The following MIB1 variants were observed in gnomAD, a reference collection of about 807,000 sequenced individuals.
The protein encoded by MIB1 is E3 ubiquitin-protein ligase MIB1.
In MIB1, 278 loss-of-function variants were observed where a neutral mutation model predicts 124.5. The ratio of observed to expected loss-of-function variants is 2.23; its 90% CI spans 2.02 to 2.47. MIB1 has a LOEUF of 2.47. MIB1 is among the 30% of genes most tolerant of loss of function. The pLI, the probability that MIB1 is intolerant of heterozygous loss-of-function variation, is 0.00. For missense variants in MIB1, 957 were observed against 1,254.4 expected, an observed-to-expected ratio of 0.76 and a Z score of 3.58; for synonymous variants, 446 against 429.4, an observed-to-expected ratio of 1.04 and a Z score of -0.48.
At position 21,768,627 on chromosome 18, in the gene MIB1, C is replaced by A; in HGVS notation, c.406C>A (p.Leu136Met). The change falls in exon 3 of 21, where the codon CTG (leucine) becomes ATG (methionine). Residue 136 changes from leucine (L) to methionine (M), a missense_variant. Coordinates refer to ENST00000261537, the MANE Select transcript of MIB1 (RefSeq NM_020774.4). ...AATAAATAATTTTATTTTTAGGGTT[C>A]TGTTAGAGTCTCGTAGGAAATCTAA... ...RITTPGSERV[L>M]LESRRKSKKI... The A allele has an allele frequency of 1.3e-6, 2 of 1,549,164 alleles. No homozygotes were observed. The highest frequency in any genetic ancestry group is 2.4e-5 in the South Asian group (2 of 82,414).
At chr18:21,731,903 A>G (rs557314845) in intron 1 of MIB1, among the ~76,000 whole-genome samples, 2 of 152,268 alleles carry the variant, frequency 1.3e-5, no homozygotes, top group African/African-American at 4.8e-5. Context: ...ACACTTTTGT[A>G]AGCAATGATT....
At position 21,766,342 on chromosome 18, in the gene MIB1, T is replaced by G. The variant is rs571114847; in HGVS notation, c.401+399T>G. ...TTTATTAGGACTATACAACATCTAC[T>G]ATGTTTATGGACACTAGAAGATAAA... On this transcript the variant is annotated intron_variant, in intron 2 of 20. Transcript: ENST00000261537. Among the ~76,000 whole-genome samples the G allele has an allele frequency of 5.3e-5, 8 of 152,282 alleles. No individual in the cohort carries two copies. In the East Asian group the frequency reaches 1.5e-3, roughly 29 times the overall value.
rs537009456 is a variant in MIB1, at chr18:21,847,528, C to T, written c.2393+403C>T. 2.6e-5 allele frequency among the ~76,000 whole-genome samples: 4 copies of T among 152,162 alleles called. No individual in the cohort carries two copies. In the South Asian group the frequency reaches 8.3e-4, roughly 32 times the overall value. ...TATTATTTTTTAAAAATACGTCTTG[C>T]TGTGTTGCCCAGGTTGGGCTTAAAC... On this transcript the variant is annotated intron_variant, in intron 16 of 20. Coordinates refer to ENST00000261537, the MANE Select transcript of MIB1 (RefSeq NM_020774.4).
At chr18:21,712,669 A>C (rs1338073475) in intron 1 of MIB1, among the ~76,000 whole-genome samples, 1 of 152,232 alleles carries the variant, frequency 6.6e-6, no homozygotes, top group Non-Finnish European at 1.5e-5. Context: ...ATTCTTTCCC[A>C]GTCAAATCTC....
chr18:21,729,051 A>G (rs1056174792), intron 1 of MIB1, among the ~76,000 whole-genome samples: 53 of 152,272 alleles, frequency 3.5e-4, no homozygotes, highest in African/African-American at 1.2e-3. Flanking sequence ...GACTCCCCCA[A>G]TCATTTCAAC....
chr18:21,792,619 AAAAT>A (rs1326987528), intron 7 of MIB1, among the ~76,000 whole-genome samples: 2 of 152,252 alleles, frequency 1.3e-5, no homozygotes, highest in African/African-American at 4.8e-5. Flanking sequence ...ACAAAACAAA[AAAAT>A]AAAATCTCTG....
At chr18:21,731,755 AAAAG>A (rs2040771768) in intron 1 of MIB1, among the ~76,000 whole-genome samples, 1 of 151,546 alleles carries the variant, frequency 6.6e-6, no homozygotes, top group African/African-American at 2.4e-5. Context: ...AAAAAAAAAA[AAAAG>A]CTGTTGTGAA....
At position 21,868,537 on chromosome 18, in the gene MIB1, T is replaced by G. The variant is rs2042335967; in HGVS notation, c.*3871T>G. 6.6e-6 allele frequency: 1 copy of G among 152,442 alleles called. No homozygotes were observed. The highest frequency in any genetic ancestry group is 1.5e-5 in the Non-Finnish European group (1 of 67,888). 9.4% of individuals were successfully genotyped at this position (152,442 alleles called of 1,614,324 possible). A position where few individuals can be genotyped will look rare whatever the true frequency, so the allele number is the denominator to read the frequency against. On this transcript the variant is annotated 3_prime_UTR_variant, in exon 21 of 21. Coordinates refer to ENST00000261537, the MANE Select transcript of MIB1 (RefSeq NM_020774.4). The stretch of plus-strand genomic sequence containing the variant: ...CACATTTTAAATATCAGAATTAGAT[T>G]AGCTTTGAGTTTGTACAATTGGGAA...
upstream of MIB1, among the ~76,000 whole-genome samples, chr18:21,739,937 AC>A (rs201379055): frequency 6.2e-4 from 91 of 146,036 alleles, no homozygotes; most frequent in African/African-American, 1.5e-3. Context: ...AAAAAAAACA[AC>A]AACAAAAAAA....
chr18:21,777,493 A>G (rs1397257924), intron 4 of MIB1, among the ~76,000 whole-genome samples: 1 of 152,184 alleles, frequency 6.6e-6, no homozygotes, highest in Admixed American at 6.5e-5. Context: ...TCAAACTATT[A>G]TAATTATTTA....
intron 2 of MIB1, among the ~76,000 whole-genome samples, chr18:21,766,703 C>T (rs1228169638): frequency 6.6e-6 from 1 of 151,958 alleles, no homozygotes; most frequent in Non-Finnish European, 1.5e-5. Flanking sequence ...TTATTTTTGT[C>T]TTTTGTTTGC....
Position 21,741,834 on chromosome 18 carries a change from AG to A in MIB1, c.229+25del. On this transcript the variant is annotated intron_variant, in intron 1 of 20. Coordinates refer to ENST00000261537, the MANE Select transcript of MIB1 (RefSeq NM_020774.4). The surrounding 1 kb of genome is among the most constrained non-coding windows in gnomAD (Gnocchi z 5.4). ...ACCGGTAAGCCGCGGCCACCTGGCC[AG>A]GGCTTGCGCGCGCGGGGGGAAGGGG... 1.9e-6 allele frequency: 3 copies of A among 1,553,658 alleles called. No individual in the cohort carries two copies. Among genetic ancestry groups the A allele is most frequent in the Non-Finnish European group, 2.6e-6 (3 of 1,148,458 alleles).
In MIB1 at chr18:21,866,798, A is replaced by G. The variant is rs1395726647; in HGVS notation, c.*2132A>G. 2 of 152,344 alleles carry G rather than the reference A, an allele frequency of 1.3e-5. No homozygotes were observed. The highest frequency in any genetic ancestry group is 2.4e-5 in the African/African-American group (1 of 41,458). The allele number at this position is 152,344 out of a possible 1,614,324, so 9.4% of individuals were successfully genotyped here. A position where few individuals can be genotyped will look rare whatever the true frequency, so the allele number is the denominator to read the frequency against. On this transcript the variant is annotated 3_prime_UTR_variant, in exon 21 of 21. Coordinates refer to ENST00000261537, the MANE Select transcript of MIB1 (RefSeq NM_020774.4). ...ATAATGTCATTATAATTTTAGTGCTAGTACTTGTGGGTTTTCTGTATTTGT... is the reference window on the plus strand; with the variant it reads ...ATAATGTCATTATAATTTTAGTGCTGGTACTTGTGGGTTTTCTGTATTTGT...
chr18:21,844,389 C>T (rs527346990), intron 15 of MIB1, 136 bp downstream of exon 15: 2 of 901,488 alleles, frequency 2.2e-6, no homozygotes, highest in South Asian at 1.7e-5. Context: ...AGTTTATGAA[C>T]TTAGTACTAG....
At chr18:21,713,445 A>G (rs1351693881) in intron 1 of MIB1, among the ~76,000 whole-genome samples, 2 of 151,816 alleles carry the variant, frequency 1.3e-5, no homozygotes, top group African/African-American at 2.4e-5. Flanking sequence ...CCCCGTCTCT[A>G]CTAAAAATAC....
At chr18:21,792,014 A>G (rs1365830808) in intron 7 of MIB1, among the ~76,000 whole-genome samples, 1 of 151,914 alleles carries the variant, frequency 6.6e-6, no homozygotes, top group Non-Finnish European at 1.5e-5. Context: ...TTATTTAGTC[A>G]TTTTTTCGTC....
chr18:21,802,857 T>C (rs550197649), intron 9 of MIB1, among the ~76,000 whole-genome samples: 4 of 152,302 alleles, frequency 2.6e-5, no homozygotes, highest in African/African-American at 9.6e-5. Flanking sequence ...TACCATCCTA[T>C]AGCAATCTAT....
chr18:21,727,057 CG>C (rs1396095041), intron 1 of MIB1, among the ~76,000 whole-genome samples: 17 of 152,236 alleles, frequency 1.1e-4, no homozygotes, highest in Middle Eastern at 6.8e-3. Context: ...TTATTCTCCA[CG>C]GCCCCATGCT....
At chr18:21,729,438 G>A (rs2040757844) in intron 1 of MIB1, among the ~76,000 whole-genome samples, 1 of 152,110 alleles carries the variant, frequency 6.6e-6, no homozygotes, top group Non-Finnish European at 1.5e-5. Flanking sequence ...CCTTTTTGCT[G>A]TGTTCTTACA....
Sources: gnomAD v4.1 joint callset for allele counts (sites outside exome capture counted in the v4.1 genomes callset) on GRCh38, gnomAD v4.1.1 for gene constraint, Gnocchi (gnomAD v3.1) non-coding constraint, MANE v1.5 for transcripts, NCBI Gene and HGNC (gene_info 2026-07-23, HGNC 2026-07-21) for gene names.